Variants in PHF14 observed in about 807,000 individuals in gnomAD.
The protein encoded by PHF14 is PHD finger protein 14.
A neutral mutation model predicts 117.9 loss-of-function variants in PHF14; 55 were observed. The ratio of observed to expected loss-of-function variants is 0.47; its 90% CI spans 0.38 to 0.58. PHF14 has a LOEUF of 0.58. Ranked by LOEUF, PHF14 falls within the 20% of genes least tolerant of loss-of-function variation. PHF14 has a pLI of 0.00. For synonymous variants in PHF14, 409 were observed against 368.6 expected, an observed-to-expected ratio of 1.11 and a Z score of -1.26; for missense variants, 978 against 1,122.2, an observed-to-expected ratio of 0.87 and a Z score of 1.84.
intron 16 of PHF14, among the ~76,000 whole-genome samples, chr7:11,083,620 C>A (rs958780135): frequency 1.9e-4 from 29 of 151,842 alleles, no homozygotes; most frequent in African/African-American, 7.0e-4. Context: ...GCCACTACGC[C>A]CGGCTAACTT....
At chr7:11,010,556 A>G (rs576307187) in intron 4 of PHF14, among the ~76,000 whole-genome samples, 153 of 152,132 alleles carry the variant, frequency 1.0e-3, no homozygotes, top group African/African-American at 3.5e-3. Flanking sequence ...GAAATTAATT[A>G]TATAGTTTAA....
chr7:10,998,460 A>G (rs1415290679), intron 4 of PHF14, among the ~76,000 whole-genome samples: 2 of 152,194 alleles, frequency 1.3e-5, no homozygotes, highest in East Asian at 1.9e-4. Flanking sequence ...ATATATACAC[A>G]CACATACACA....
intron 16 of PHF14, among the ~76,000 whole-genome samples, chr7:11,065,252 T>G (rs1372238289): frequency 6.6e-6 from 1 of 152,124 alleles, no homozygotes; most frequent in Non-Finnish European, 1.5e-5. Context: ...TTTATGCTAT[T>G]TAATGCAATC....
At chr7:11,089,083 A>T (rs901735170) in intron 16 of PHF14, among the ~76,000 whole-genome samples, 7 of 151,256 alleles carry the variant, frequency 4.6e-5, no homozygotes, top group African/African-American at 1.7e-4. Flanking sequence ...AGACACAAAG[A>T]TTAATTAGAT....
At chr7:11,145,151 G>A (rs188502688) in intron 17 of PHF14, among the ~76,000 whole-genome samples, 1 of 151,742 alleles carries the variant, frequency 6.6e-6, no homozygotes, top group Non-Finnish European at 1.5e-5. Context: ...AAAAACCCTC[G>A]GGAGGGGTTC....
At chr7:10,987,058 G>A (rs2128309076) in intron 3 of PHF14, among the ~76,000 whole-genome samples, 1 of 152,196 alleles carries the variant, frequency 6.6e-6, no homozygotes, top group South Asian at 2.1e-4. Flanking sequence ...TGATTTTTGT[G>A]AATTAAAATG....
At chr7:11,047,683 A>T (rs1323106817) in intron 13 of PHF14, among the ~76,000 whole-genome samples, 1 of 150,708 alleles carries the variant, frequency 6.6e-6, no homozygotes, top group African/African-American at 2.4e-5. Context: ...GCTACTCAGG[A>T]GGCTGAGGTA....
intron 5 of PHF14, among the ~76,000 whole-genome samples, chr7:11,020,762 C>G (rs537434379): frequency 6.6e-6 from 1 of 152,120 alleles, no homozygotes; most frequent in East Asian, 1.9e-4. Flanking sequence ...ATTTGAAAAT[C>G]AGTTAATTTT....
intron 17 of PHF14, among the ~76,000 whole-genome samples, chr7:11,128,853 G>A (rs748474367): frequency 6.6e-6 from 1 of 150,618 alleles, no homozygotes; most frequent in Non-Finnish European, 1.5e-5. Context: ...TTAATTAAAT[G>A]TCCAGTTTAA....
rs547035526 is a variant in PHF14 at position 11,013,406 on chromosome 7, C to T, written c.1046-341C>T. On this transcript the variant is annotated intron_variant, in intron 4 of 17. Coordinates refer to ENST00000634607, the MANE Select transcript of PHF14 (RefSeq NM_001007157.2). Reference sequence around the variant, plus strand: ...CGAACTCCTCACCTCAGGTGATCTGCCCACCTCGGCCTCCCAAAGTGCTGG... The same window carrying T: ...CGAACTCCTCACCTCAGGTGATCTGTCCACCTCGGCCTCCCAAAGTGCTGG... Among the ~76,000 whole-genome samples the T allele has an allele frequency of 5.9e-5, 9 of 152,238 alleles. No homozygotes were observed. In the South Asian group the frequency reaches 1.7e-3, roughly 28 times the overall value.
intron 16 of PHF14, among the ~76,000 whole-genome samples, chr7:11,074,634 T>A (rs2128334326): frequency 1.3e-5 from 2 of 152,340 alleles, no homozygotes; most frequent in Middle Eastern, 6.8e-3. Context: ...ACCTGTGTTA[T>A]CACTCTTAAG....
At chr7:11,063,958 G>T (rs530639818) in intron 16 of PHF14, among the ~76,000 whole-genome samples, 10 of 151,776 alleles carry the variant, frequency 6.6e-5, no homozygotes, top group Non-Finnish European at 1.0e-4. Context: ...TAAAATAATG[G>T]ATATGCAAAG....
intron 4 of PHF14, among the ~76,000 whole-genome samples, chr7:10,994,192 A>C (rs898821363): frequency 1.3e-5 from 2 of 152,134 alleles, no homozygotes; most frequent in Non-Finnish European, 2.9e-5. Context: ...TAATCCCAGC[A>C]CTTTGGGAGG....
At chr7:11,155,239 A>G (rs1376367919) in intron 17 of PHF14, among the ~76,000 whole-genome samples, 1 of 152,186 alleles carries the variant, frequency 6.6e-6, no homozygotes, top group East Asian at 1.9e-4. Context: ...TGATTTCTTC[A>G]AAGTATTTTT....
At chr7:11,145,519 A>G (rs1056065545) in intron 17 of PHF14, among the ~76,000 whole-genome samples, 5 of 152,048 alleles carry the variant, frequency 3.3e-5, no homozygotes, top group African/African-American at 1.2e-4. Flanking sequence ...CATTTTCTTA[A>G]TTCTTATAAT....
intron 16 of PHF14, among the ~76,000 whole-genome samples, chr7:11,092,252 A>G (rs1347490317): frequency 1.3e-5 from 2 of 152,108 alleles, no homozygotes; most frequent in Non-Finnish European, 2.9e-5. Flanking sequence ...AATTTGCTCT[A>G]CTTTAAGACA....
intron 4 of PHF14, among the ~76,000 whole-genome samples, chr7:11,002,821 T>C (rs1262914406): frequency 6.6e-6 from 1 of 152,182 alleles, no homozygotes; most frequent in East Asian, 1.9e-4. Flanking sequence ...GAAATGCTGA[T>C]GACAAAAATT....
Position 10,982,442 on chromosome 7 carries a change from T to C in PHF14, c.183T>C (p.Ser61=). 1.3e-6 allele frequency: 2 copies of C among 1,594,352 alleles called. No individual in the cohort carries two copies. Among genetic ancestry groups the C allele is most frequent in the Non-Finnish European group, 8.6e-7 (1 of 1,168,378 alleles). The part of the protein sequence containing the change: ...KDSGEGSCSD[S]EENILEEELN... The stretch of plus-strand genomic sequence containing the variant: ...GTGGAGAAGGTTCCTGTAGTGATTC[T>C]GAAGAAAATATTTTAGAAGAAGAAC... The change falls in exon 3 of 18, where the codon TCT becomes TCC. Residue 61 remains serine, a synonymous_variant. Transcript: ENST00000634607.
At chr7:11,129,508 A>G (rs1015276432) in intron 17 of PHF14, among the ~76,000 whole-genome samples, 2 of 151,688 alleles carry the variant, frequency 1.3e-5, no homozygotes, top group African/African-American at 4.8e-5. Context: ...AAGGGTATAA[A>G]ACTAATCCAA....
Sources: gnomAD v4.1 joint callset for allele counts (sites outside exome capture counted in the v4.1 genomes callset) on GRCh38, gnomAD v4.1.1 for gene constraint, MANE v1.5 for transcripts, NCBI Gene and HGNC (gene_info 2026-07-23, HGNC 2026-07-21) for gene names.